The following SIRT7 variants were observed in gnomAD, a reference collection of about 807,000 sequenced individuals.
SIRT7 encodes sirtuin 7, also known as NAD-dependent protein deacetylase sirtuin-7.
Under a neutral mutation model 42.8 loss-of-function variants are expected in SIRT7, and 32 were observed. The observed-to-expected ratio is 0.75, with a 90% confidence interval of 0.56 to 1.00. The LOEUF is 1.00. Ranked by LOEUF, SIRT7 falls within the 50% of genes least tolerant of loss-of-function variation. SIRT7 has a pLI of 0.00. For synonymous variants in SIRT7, 297 were observed against 245.2 expected (o/e 1.21, Z -1.97); for missense variants, 553 against 572.2 (o/e 0.97, Z 0.34).
intron 5 of SIRT7, chr17:81,915,219 G>A (rs1567908863): frequency 1.7e-6 from 1 of 596,226 alleles, no homozygotes. Flanking sequence ...GCAGCTCTGA[G>A]GCTGAGGCTG....
In SIRT7 at chr17:81,913,735, G is replaced by T; in HGVS notation, c.1004+39C>A. 6.8e-7 allele frequency: 1 copy of T among 1,474,972 alleles called. No homozygotes were observed. The highest frequency in any genetic ancestry group is 1.2e-5 in the South Asian group (1 of 82,424). The allele number at this position is 1,474,972 out of a possible 1,614,324, so 91.4% of individuals were successfully genotyped here. On this transcript the variant is annotated intron_variant, in intron 9 of 9. Transcript: ENST00000328666. The surrounding 1 kb of genome is among the most constrained non-coding windows in gnomAD (Gnocchi z 5.0). Reference sequence around the variant, plus strand: ...GAAGACAGACAAGGCCCAGCACACAGAGGTGCGGGGAAGCAGGCTGCTGCA... The same window carrying T: ...GAAGACAGACAAGGCCCAGCACACATAGGTGCGGGGAAGCAGGCTGCTGCA...
chr17:81,912,419 C>T lies in SIRT7; in HGVS notation c.1200G>A (p.Thr400=), dbSNP rs374568755. 6.4e-5 allele frequency: 103 copies of T among 1,613,996 alleles called. No homozygotes were observed. The highest frequency in any genetic ancestry group is 2.7e-4 in the African/African-American group (20 of 74,954). Residue 400 remains threonine (T), a synonymous_variant, in exon 10 of 10, where the codon ACG becomes ACA. Coordinates refer to ENST00000328666, the MANE Select transcript of SIRT7 (RefSeq NM_016538.3). The part of the protein sequence containing the change: ...CTKRTKRKKV[T] ...CTGTTCTTCATCGAGCACGTGATTA[C>T]GTCACTTTCTTCCTTTTTGTGCGTT... is the stretch of plus-strand genomic sequence containing the variant.
In SIRT7 at chr17:81,914,381, C is replaced by A; in HGVS notation, c.729G>T (p.Gly243=). The part of the protein sequence containing the change: ...RDTIVHFGER[G]TLGQPLNWEA... The stretch of plus-strand genomic sequence containing the variant: ...CCCAGTTCAAAGGCTGCCCCAACGT[C>A]CCCCTCTCCCCAAAGTGCACAATGG... Residue 243 remains glycine, a synonymous_variant, in exon 7 of 10, where the codon GGG becomes GGT. Coordinates refer to ENST00000328666, the MANE Select transcript of SIRT7 (RefSeq NM_016538.3). 2.5e-6 allele frequency: 4 copies of A among 1,612,838 alleles called. No homozygotes were observed. Among genetic ancestry groups the A allele is most frequent in the Non-Finnish European group, 3.4e-6 (4 of 1,179,776 alleles).
Position 81,917,912 on chromosome 17 carries a change from A to G in SIRT7, c.149T>C (p.Leu50Pro). The G allele has an allele frequency of 7.0e-7, 1 of 1,419,262 alleles. No individual in the cohort carries two copies. Among genetic ancestry groups the G allele is most frequent in the South Asian group, 1.4e-5 (1 of 69,102 alleles). The allele number at this position is 1,419,262 out of a possible 1,614,324, so 87.9% of individuals were successfully genotyped here. A position where few individuals can be genotyped will look rare whatever the true frequency, so the allele number is the denominator to read the frequency against. ...AAERSAEEGR[L>P]LAESADLVTE... ...TACCAGGTCCGCGCTCTCGGCCAGC[A>G]GCCGGCCCTCCTCGGCGCTGCGCTC... Residue 50 changes from leucine to proline, a missense_variant, in exon 2 of 10, where the codon CTG becomes CCG. Leu to Pro is a moderately conservative substitution (Grantham distance 98). Coordinates refer to ENST00000328666, the MANE Select transcript of SIRT7 (RefSeq NM_016538.3).
At chr17:81,917,990 C>A in intron 1 of SIRT7, 23 bp from the exon 2 acceptor site, 3 of 1,335,238 alleles carry the variant, frequency 2.2e-6, no homozygotes, top group South Asian at 2.0e-5. Context: ...GGACGGTGAG[C>A]GGCGGCGCGG....
In SIRT7 at chr17:81,913,017, C is replaced by T; in HGVS notation, c.1005-403G>A. ...GGTGGACCAGACCCTCTCCCCCTTC[C>T]CAGCTGACTAGGGAGGCGTGGCCTA... On this transcript the variant is annotated intron_variant, in intron 9 of 9. Coordinates refer to ENST00000328666, the MANE Select transcript of SIRT7 (RefSeq NM_016538.3). The surrounding 1 kb of genome is among the most constrained non-coding windows in gnomAD (Gnocchi z 5.0). 2.7e-6 allele frequency: 1 copy of T among 365,084 alleles called. No individual in the cohort carries two copies. Among genetic ancestry groups the T allele is most frequent in the South Asian group, 2.2e-5 (1 of 45,242 alleles). 22.6% of individuals were successfully genotyped at this position (365,084 alleles called of 1,614,324 possible). A position where few individuals can be genotyped will look rare whatever the true frequency, so the allele number is the denominator to read the frequency against.
chr17:81,917,374 A>C (rs1003499393), intron 3 of SIRT7: 12 of 412,944 alleles, frequency 2.9e-5, no homozygotes, highest in African/African-American at 2.5e-4. Context: ...AGCTCTGTCC[A>C]CATAACCTGG....
At chr17:81,914,583 G>A in intron 6 of SIRT7, 21 bp downstream of exon 6, 4 of 1,612,694 alleles carry the variant, frequency 2.5e-6, no homozygotes, top group Non-Finnish European at 2.5e-6. Flanking sequence ...GGAGACCCTG[G>A]GTCCCTGCAG....
chr17:81,916,224 A>G (rs2143790827), intron 3 of SIRT7: 1 of 159,828 alleles, frequency 6.3e-6, no homozygotes, highest in South Asian at 1.7e-4. Context: ...ACTGAGGCCC[A>G]CAGAGGGCAC....
chr17:81,913,286 A>G lies in SIRT7; in HGVS notation c.1004+488T>C. ...TTAAAAGAAGTTATTGATTTCCCCT[A>G]TAAGACCCTGAAAATTCACAGAGAA... On this transcript the variant is annotated intron_variant, in intron 9 of 9. Transcript: ENST00000328666. The surrounding 1 kb of genome is among the most constrained non-coding windows in gnomAD (Gnocchi z 5.0). 2.2e-6 allele frequency: 1 copy of G among 456,278 alleles called. No homozygotes were observed. Among genetic ancestry groups the G allele is most frequent in the Non-Finnish European group, 4.4e-6 (1 of 227,106 alleles). 28.3% of individuals were successfully genotyped at this position (456,278 alleles called of 1,614,324 possible). A position where few individuals can be genotyped will look rare whatever the true frequency, so the allele number is the denominator to read the frequency against.
At position 81,913,805 on chromosome 17, in the gene SIRT7, C is replaced by A. The variant is rs780396449; in HGVS notation, c.973G>T (p.Glu325Ter). ...TAGGCGGGGATCTCCAAGCCCAGCT[C>A]GGCCATGAGGAGCCGCATGACGTCA... ...CDDVMRLLMA[E>*]LGLEIPAYSR... The change falls in exon 9 of 10, where the codon GAG (glutamate) becomes TAG (stop). Residue 325 changes from glutamate (E) to a stop codon, truncating the protein, a stop_gained. Coordinates refer to ENST00000328666, the MANE Select transcript of SIRT7 (RefSeq NM_016538.3). LOFTEE classifies it high-confidence loss of function. The surrounding 1 kb of genome is among the most constrained non-coding windows in gnomAD (Gnocchi z 5.0). 6.5e-7 allele frequency: 1 copy of A among 1,549,088 alleles called. No individual in the cohort carries two copies. The highest frequency in any genetic ancestry group is 8.7e-7 in the Non-Finnish European group (1 of 1,147,082).
intron 3 of SIRT7, 58 bp from the exon 4 acceptor site, chr17:81,915,739 G>C: frequency 6.3e-7 from 1 of 1,576,002 alleles, no homozygotes; most frequent in Non-Finnish European, 8.7e-7. Flanking sequence ...GGTACTGGCA[G>C]AATTCCCAGA....
chr17:81,914,048 A>AC, intron 8 of SIRT7, 39 bp downstream of exon 8: 1 of 1,610,462 alleles, frequency 6.2e-7, no homozygotes, highest in South Asian at 1.1e-5. Flanking sequence ...GCGTTCTAAG[A>AC]CCCAGATCTA....
intron 3 of SIRT7, 86 bp downstream of exon 3, chr17:81,917,529 A>G: frequency 2.5e-6 from 3 of 1,180,276 alleles, no homozygotes; most frequent in Non-Finnish European, 3.4e-6. Flanking sequence ...AAGAGAAAAA[A>G]CCTTAGAGCT....
intron 3 of SIRT7, chr17:81,916,026 A>G (rs2040790852): frequency 8.6e-6 from 3 of 349,220 alleles, no homozygotes; most frequent in South Asian, 2.5e-5. Flanking sequence ...TCATGTTCCT[A>G]AAGTGCCCCC....
chr17:81,917,951 C>T lies in SIRT7; in HGVS notation c.110G>A (p.Arg37Lys). The change falls in exon 2 of 10, where the codon AGG becomes AAG. Residue 37 changes from arginine to lysine, a missense_variant. Transcript: ENST00000328666. ...ERLRQVSRIL[R>K]KAAAERSAEE... ...GGCGCTGCGCTCCGCCGCCGCCTTC[C>T]TCAGGATGCGCGACACCTGCGGGCA... 2 of 1,375,354 alleles carry T rather than the reference C, an allele frequency of 1.5e-6. No homozygotes were observed. The highest frequency in any genetic ancestry group is 9.4e-7 in the Non-Finnish European group (1 of 1,067,676). 85.2% of individuals were successfully genotyped at this position (1,375,354 alleles called of 1,614,324 possible).
chr17:81,914,589 T>C lies in SIRT7; in HGVS notation c.579+15A>G, dbSNP rs2040757719. 1 of 1,612,920 alleles carries C rather than the reference T, an allele frequency of 6.2e-7. No homozygotes were observed. Among genetic ancestry groups the C allele is most frequent in the Non-Finnish European group, 8.5e-7 (1 of 1,179,846 alleles). On this transcript the variant is annotated intron_variant, in intron 6 of 9. Transcript: ENST00000328666. ...CCTGCCCATGGAGACCCTGGGTCCC[T>C]GCAGGACTGCTCACTTCAATGTACA...
intron 6 of SIRT7, 36 bp from the exon 7 acceptor site, chr17:81,914,566 T>C (rs752779669): frequency 6.2e-7 from 1 of 1,612,600 alleles, no homozygotes; most frequent in South Asian, 1.1e-5. Flanking sequence ...GGGACCCGCC[T>C]GCCCATGGAG....
In SIRT7 at chr17:81,912,361, T is replaced by C. The variant is rs2040685003; in HGVS notation, c.*55A>G. ...TAGACCCGTGGGGGCAACCCAGCCT[T>C]CACCGTGACACTGGCCATCTGCAAA... On this transcript the variant is annotated 3_prime_UTR_variant, in exon 10 of 10. Coordinates refer to ENST00000328666, the MANE Select transcript of SIRT7 (RefSeq NM_016538.3). 6.2e-7 allele frequency: 1 copy of C among 1,607,820 alleles called. No individual in the cohort carries two copies. Among genetic ancestry groups the C allele is most frequent in the African/African-American group, 1.3e-5 (1 of 74,938 alleles).
Sources: allele counts gnomAD v4.1 joint callset, GRCh38; gene constraint gnomAD v4.1.1; non-coding constraint Gnocchi (gnomAD v3.1); transcripts MANE v1.5; gene names NCBI Gene and HGNC (gene_info 2026-07-23, HGNC 2026-07-21).